The following MINDY1 variants were observed in gnomAD, a reference collection of about 807,000 sequenced individuals.
MINDY1 encodes the protein MINDY lysine 48 deubiquitinase 1, also known as ubiquitin carboxyl-terminal hydrolase MINDY-1.
Under a neutral mutation model 53.6 loss-of-function variants are expected in MINDY1, and 50 were observed. The observed-to-expected ratio is 0.93, with a 90% confidence interval of 0.74 to 1.18. The LOEUF (loss-of-function observed/expected upper bound fraction) is 1.18, where lower values mean the gene tolerates loss of function less well. MINDY1 is among the 50% of genes most tolerant of loss of function. MINDY1 has a pLI of 0.00. For synonymous variants in MINDY1, 231 were observed against 234.7 expected, an observed-to-expected ratio of 0.98 and a Z score of 0.14; for missense variants, 484 against 578.6, an observed-to-expected ratio of 0.84 and a Z score of 1.68.
Position 150,997,715 on chromosome 1 carries a change from A to G in MINDY1, c.1238T>C (p.Leu413Ser), listed in dbSNP as rs1158360464. The G allele has an allele frequency of 1.2e-6, 2 of 1,613,832 alleles. No homozygotes were observed. Among genetic ancestry groups the G allele is most frequent in the African/African-American group, 2.7e-5 (2 of 74,956 alleles). ...QPRGPLGLTD[L>S]ELAQQLQQEE... is the part of the protein sequence containing the mutation. ...TTGCTGAAGCTGCTGGGCCAGCTCC[A>G]AGTCGGTAAGCCCCAGCGGGCCTCG... is the stretch of plus-strand genomic sequence containing the variant. The change falls in exon 9 of 10, where the codon TTG becomes TCG. Residue 413 changes from leucine to serine, a missense_variant. By Grantham distance (145) the Leu-to-Ser change is moderately radical. Coordinates refer to ENST00000683666, the MANE Select transcript of MINDY1 (RefSeq NM_001376665.1).
Position 151,000,951 on chromosome 1 carries a change from G to GA in MINDY1, c.576+298dup, listed in dbSNP as rs372383121. 8.0e-3 allele frequency among the ~76,000 whole-genome samples: 1,188 copies of GA among 148,366 alleles called. 19 individuals are homozygous for GA. The highest frequency in any genetic ancestry group is 0.028 in the South Asian group (128 of 4,634). On this transcript the variant is annotated intron_variant, in intron 4 of 9. Coordinates refer to ENST00000683666, the MANE Select transcript of MINDY1 (RefSeq NM_001376665.1). The stretch of plus-strand genomic sequence containing the variant: ...GCACCGCCATACCTGGCTAATTCTT[G>GA]AAAAAAAAAATGGTTTTTTTTAGAG...
chr1:151,007,535 A>AG (rs1392463266), upstream of MINDY1, among the ~76,000 whole-genome samples: 2 of 152,064 alleles, frequency 1.3e-5, no homozygotes, highest in Non-Finnish European at 2.9e-5. Context: ...GAACTGGCAG[A>AG]GCAGGCAGGA....
chr1:150,997,090 G>C lies in MINDY1; in HGVS notation c.*197C>G. On this transcript the variant is annotated 3_prime_UTR_variant, in exon 10 of 10. Coordinates refer to ENST00000683666, the MANE Select transcript of MINDY1 (RefSeq NM_001376665.1). ...ACCCACCAATCCTAGTGTTGCCCTG[G>C]ATGGGAGGCAGAGAAGGCAGCAGCA... is the stretch of plus-strand genomic sequence containing the variant. The C allele has an allele frequency of 3.2e-6, 2 of 618,854 alleles. No homozygotes were observed. Among genetic ancestry groups the C allele is most frequent in the Non-Finnish European group, 5.8e-6 (2 of 346,804 alleles). 38.3% of individuals were successfully genotyped at this position (618,854 alleles called of 1,614,324 possible).
chr1:151,001,713 C>G lies in MINDY1; in HGVS notation c.511+12G>C. ...CCCTTGGGTAATTCCTCTTCAACGC[C>G]CAGTCACTCACCAAGATGGGCCATG... On this transcript the variant is annotated intron_variant, in intron 3 of 9. Coordinates refer to ENST00000683666, the MANE Select transcript of MINDY1 (RefSeq NM_001376665.1). 1 of 1,610,114 alleles carries G rather than the reference C, an allele frequency of 6.2e-7. No individual in the cohort carries two copies. Among genetic ancestry groups the G allele is most frequent in the Non-Finnish European group, 8.5e-7 (1 of 1,178,906 alleles).
Position 151,001,742 on chromosome 1 carries a change from TC to T in MINDY1, c.493del (p.Glu165SerfsTer34). ...PPQKEVITSDELMAHLGNCLL... is the reference protein window; with the variant it reads ...PPQKEVITSDXLMAHLGNCLL... The stretch of plus-strand genomic sequence containing the variant: ...TCACTCACCAAGATGGGCCATGAGC[TC>T]ATCCGATGTGATCACTTCCTTCTGC... On this transcript the variant is annotated frameshift_variant, in exon 3 of 10. Coordinates refer to ENST00000683666, the MANE Select transcript of MINDY1 (RefSeq NM_001376665.1). LOFTEE classifies it high-confidence loss of function. 1 of 1,608,884 alleles carries T rather than the reference TC, an allele frequency of 6.2e-7. No individual in the cohort carries two copies. Among genetic ancestry groups the T allele is most frequent in the Non-Finnish European group, 8.5e-7 (1 of 1,178,362 alleles).
rs1671914562 is a variant in MINDY1 at position 150,997,196 on chromosome 1, C to T, written c.*91G>A. The stretch of plus-strand genomic sequence containing the variant: ...CCCCAACAGTCCATAAATAAGTTAT[C>T]CAGCACATCTCAGGGGTGGAGGCGG... On this transcript the variant is annotated 3_prime_UTR_variant, in exon 10 of 10. Transcript: ENST00000683666. 2 of 1,317,134 alleles carry T rather than the reference C, an allele frequency of 1.5e-6. No individual in the cohort carries two copies. The highest frequency in any genetic ancestry group is 2.1e-6 in the Non-Finnish European group (2 of 940,562). 81.6% of individuals were successfully genotyped at this position (1,317,134 alleles called of 1,614,324 possible).
intron 1 of MINDY1, chr1:151,003,033 G>A: frequency 3.0e-6 from 3 of 1,006,018 alleles, no homozygotes; most frequent in Non-Finnish European, 3.7e-6. Context: ...AAAGGAGAAA[G>A]AAGGATAAGA....
Position 150,999,718 on chromosome 1 carries a change from T to C in MINDY1, c.838+144A>G. Reference sequence around the variant, plus strand: ...GTGCCAGGCACTGGGGATACCTCAATGAACTAAACAGAAATTCCCCAAGCT... The same window carrying C: ...GTGCCAGGCACTGGGGATACCTCAACGAACTAAACAGAAATTCCCCAAGCT... On this transcript the variant is annotated intron_variant, in intron 6 of 9. Coordinates refer to ENST00000683666, the MANE Select transcript of MINDY1 (RefSeq NM_001376665.1). The surrounding 1 kb of genome is among the most constrained non-coding windows in gnomAD (Gnocchi z 4.4). 1 of 958,792 alleles carries C rather than the reference T, an allele frequency of 1.0e-6. No individual in the cohort carries two copies. The highest frequency in any genetic ancestry group is 1.5e-6 in the Non-Finnish European group (1 of 647,208). 59.4% of individuals were successfully genotyped at this position (958,792 alleles called of 1,614,324 possible).
At chr1:151,006,241 C>T (rs913228008) in intron 1 of MINDY1, 71 bp downstream of exon 1, 8 of 1,513,842 alleles carry the variant, frequency 5.3e-6, no homozygotes, top group Non-Finnish European at 7.1e-6. Flanking sequence ...GTGTCAGCTC[C>T]CCAAAGCTGG....
At chr1:150,998,321 G>A in intron 7 of MINDY1, 48 bp from the exon 8 acceptor site, 1 of 1,524,622 alleles carries the variant, frequency 6.6e-7, no homozygotes, top group Non-Finnish European at 8.9e-7. Context: ...TGATACGGAG[G>A]CAGTTCACTG....
chr1:150,997,937 AAT>A (rs1197644488), intron 8 of MINDY1, 143 bp downstream of exon 8: 288 of 1,141,500 alleles, frequency 2.5e-4, no homozygotes, highest in Non-Finnish European at 3.3e-4. Flanking sequence ...GGTGCCAGAG[AAT>A]ACACACCAAG....
At chr1:151,004,668 T>C (rs1394260592) in intron 1 of MINDY1, among the ~76,000 whole-genome samples, 1 of 151,330 alleles carries the variant, frequency 6.6e-6, no homozygotes, top group Non-Finnish European at 1.5e-5. Context: ...AGGCAGGGGG[T>C]TGCAGTGAGC....
upstream of MINDY1, chr1:151,008,128 G>T: frequency 1.7e-6 from 1 of 597,268 alleles, no homozygotes; most frequent in Non-Finnish European, 2.1e-6. Context: ...GATCTGTTTT[G>T]CCAAGTGTCA....
At chr1:150,997,598 G>T in intron 9 of MINDY1, 26 bp downstream of exon 9, 1 of 1,604,366 alleles carries the variant, frequency 6.2e-7, no homozygotes, top group African/African-American at 1.3e-5. Flanking sequence ...GAAACCGGGA[G>T]TGTGGGCGCC....
chr1:150,997,537 G>A lies in MINDY1; in HGVS notation c.1329+87C>T, dbSNP rs775160219. On this transcript the variant is annotated intron_variant, in intron 9 of 9. Coordinates refer to ENST00000683666, the MANE Select transcript of MINDY1 (RefSeq NM_001376665.1). ...GGACTCTGAGAGAAGAAACCTTGAA[G>A]AGACCAGTGCAGGAATAACAGGTGT... 15 of 1,596,384 alleles carry A rather than the reference G, an allele frequency of 9.4e-6. No individual in the cohort carries two copies. In the South Asian group the frequency reaches 1.7e-4, roughly 18 times the overall value.
intron 7 of MINDY1, 46 bp from the exon 8 acceptor site, chr1:150,998,319 A>G (rs1672094261): frequency 6.5e-6 from 10 of 1,542,220 alleles, no homozygotes; most frequent in African/African-American, 1.4e-5. Flanking sequence ...GTTGATACGG[A>G]GGCAGTTCAC....
rs587720001 is a variant in MINDY1, at chr1:151,001,830, C to G, written c.454-48G>C. On this transcript the variant is annotated intron_variant, in intron 2 of 9. Transcript: ENST00000683666. ...CGTGTGTGCTTTCCTCCAAAGAGCA[C>G]TGAAGGAAGAACCCATGGAAAGGCA... The G allele has an allele frequency of 8.3e-5, 129 of 1,558,554 alleles. 1 individual carries two copies. In the South Asian group the frequency reaches 1.5e-3, roughly 18 times the overall value.
rs769377116 is a variant in MINDY1 at position 151,002,503 on chromosome 1, C to T, written c.115G>A (p.Asp39Asn). The T allele has an allele frequency of 3.1e-6, 5 of 1,614,232 alleles. No homozygotes were observed. In the South Asian group the frequency reaches 5.5e-5, roughly 18 times the overall value. Residue 39 changes from aspartate to asparagine, a missense_variant, in exon 2 of 10, where the codon GAT becomes AAT. Physicochemically the swap from Asp to Asn is conservative, Grantham distance 23. Coordinates refer to ENST00000683666, the MANE Select transcript of MINDY1 (RefSeq NM_001376665.1). This position sits in a 1 kb window ranked among gnomAD's most constrained non-coding sequence, Gnocchi z 4.1. ...AGPDEHPQDTDARDADGEARE... is the reference protein window; with the variant it reads ...AGPDEHPQDTNARDADGEARE... ...GCCTCCCCATCAGCATCTCTTGCAT[C>T]TGTGTCCTGAGGGTGCTCATCTGGG...
chr1:151,003,070 G>T (rs777547525), intron 1 of MINDY1: 3 of 658,308 alleles, frequency 4.6e-6, no homozygotes, highest in Non-Finnish European at 5.9e-6. Context: ...TTAAATCTAC[G>T]CTAATGGTTA....
Sources: gnomAD v4.1 joint callset for allele counts (sites outside exome capture counted in the v4.1 genomes callset) on GRCh38, gnomAD v4.1.1 for gene constraint, Gnocchi (gnomAD v3.1) non-coding constraint, MANE v1.5 for transcripts, NCBI Gene and HGNC (gene_info 2026-07-23, HGNC 2026-07-21) for gene names.